The following NRP1 variants were observed in gnomAD, a reference collection of about 807,000 sequenced individuals.
NRP1 encodes neuropilin 1.
In NRP1, 35 loss-of-function variants were observed where a neutral mutation model predicts 106.7. The observed-to-expected ratio is 0.33, with a 90% CI of 0.25 to 0.43. NRP1 has a LOEUF of 0.43. Among genes scored for constraint, NRP1 ranks in the 20% least tolerant of loss-of-function variants. NRP1 has a pLI of 1.00. For synonymous variants in NRP1, 437 were observed against 417.9 expected (o/e 1.05, Z -0.56); for missense variants, 1,024 against 1,170.4 (o/e 0.87, Z 1.83).
chr10:33,331,092 A>G (rs1182133590), intron 1 of NRP1, among the ~76,000 whole-genome samples: 1 of 152,196 alleles, frequency 6.6e-6, no homozygotes, highest in East Asian at 1.9e-4. Context: ...CAGAAAGCCA[A>G]CTGAGATCTG....
At chr10:33,203,037 T>C (rs760161864) in intron 10 of NRP1, 42 bp from the exon 11 acceptor site, 1 of 1,568,490 alleles carries the variant, frequency 6.4e-7, no homozygotes, top group Admixed American at 1.8e-5. Flanking sequence ...ACCTTGGAAA[T>C]GTATTCTCAA....
intron 2 of NRP1, among the ~76,000 whole-genome samples, chr10:33,292,966 A>G (rs954177925): frequency 2.0e-5 from 3 of 149,826 alleles, no homozygotes; most frequent in African/African-American, 4.9e-5. Context: ...GGCCTGGGCA[A>G]CAGAGTGAGA....
chr10:33,205,719 A>G (rs1816834450), intron 10 of NRP1: 1 of 156,024 alleles, frequency 6.4e-6, no homozygotes, highest in Non-Finnish European at 1.4e-5. Flanking sequence ...GGTCTGGAAA[A>G]TATCTGAAGC....
chr10:33,277,037 T>G (rs1843748839), intron 2 of NRP1, among the ~76,000 whole-genome samples: 2 of 151,404 alleles, frequency 1.3e-5, no homozygotes, highest in African/African-American at 2.4e-5. Flanking sequence ...CCCAGGAGTT[T>G]GAGGCTGCAG....
chr10:33,268,723 G>A (rs1564440426), intron 3 of NRP1, among the ~76,000 whole-genome samples: 2 of 152,166 alleles, frequency 1.3e-5, no homozygotes, highest in Non-Finnish European at 2.9e-5. Flanking sequence ...AAGCAAGCAG[G>A]TGTACATATG....
At chr10:33,239,999 T>C (rs769983997) in intron 6 of NRP1, among the ~76,000 whole-genome samples, 1 of 152,222 alleles carries the variant, frequency 6.6e-6, no homozygotes, top group Non-Finnish European at 1.5e-5. Context: ...TGATCTTTTA[T>C]AAGTTGTTGG....
At chr10:33,204,523 T>C (rs138557311) in intron 10 of NRP1, among the ~76,000 whole-genome samples, 19 of 152,328 alleles carry the variant, frequency 1.2e-4, no homozygotes, top group Non-Finnish European at 1.9e-4. Context: ...CTCCAGATAA[T>C]GTGCTACCTT....
At chr10:33,281,379 CT>C (rs5784328) in intron 2 of NRP1, among the ~76,000 whole-genome samples, 128,990 of 151,970 alleles carry the variant, frequency 0.85, 55,492 homozygotes, top group East Asian at 0.97. Context: ...AGTGAACTGA[CT>C]TTTTTTTTAT....
Position 33,213,484 on chromosome 10 carries a change from G to T in NRP1, c.1516C>A (p.Arg506=). 6.2e-7 allele frequency: 1 copy of T among 1,613,958 alleles called. No homozygotes were observed. The highest frequency in any genetic ancestry group is 8.5e-7 in the Non-Finnish European group (1 of 1,179,990). Reference sequence around the variant, plus strand: ...TTCCTCATGAACACCTTGTTCTCTCGGTGCTTCCCACCCTGAATGATGATG... The same window carrying T: ...TTCCTCATGAACACCTTGTTCTCTCTGTGCTTCCCACCCTGAATGATGATG... ...RGIIIQGGKH[R]ENKVFMRKFK... Residue 506 remains arginine (R), a synonymous_variant, in exon 9 of 17, where the codon CGA becomes AGA. Transcript: ENST00000374867.
intron 2 of NRP1, among the ~76,000 whole-genome samples, chr10:33,289,069 T>C (rs1844793145): frequency 1.3e-5 from 2 of 152,160 alleles, no homozygotes; most frequent in Non-Finnish European, 2.9e-5. Context: ...ATAGCCCAGG[T>C]AGTCAAACTA....
At chr10:33,247,664 G>A (rs1694439471) in intron 6 of NRP1, among the ~76,000 whole-genome samples, 1 of 152,236 alleles carries the variant, frequency 6.6e-6, no homozygotes. Flanking sequence ...AGAGCATGCA[G>A]TGAAAAACAT....
At chr10:33,214,046 T>C (rs1838548472) in intron 8 of NRP1, among the ~76,000 whole-genome samples, 1 of 152,236 alleles carries the variant, frequency 6.6e-6, no homozygotes, top group African/African-American at 2.4e-5. Flanking sequence ...CTGGCCCTGC[T>C]TAAGAGAAGT....
intron 2 of NRP1, among the ~76,000 whole-genome samples, chr10:33,313,975 TTCTC>T (rs1163088827): frequency 1.3e-5 from 2 of 150,030 alleles, no homozygotes; most frequent in Non-Finnish European, 3.0e-5. Context: ...TCTCCCTCCT[TTCTC>T]TCTTTCCCTC....
intron 8 of NRP1, among the ~76,000 whole-genome samples, chr10:33,215,453 C>A (rs1838683465): frequency 1.3e-5 from 2 of 152,146 alleles, no homozygotes; most frequent in Admixed American, 1.3e-4. Flanking sequence ...TCTAAAGCAG[C>A]CCAAGGAGCT....
intron 6 of NRP1, among the ~76,000 whole-genome samples, chr10:33,237,065 T>C (rs1351434991): frequency 1.3e-5 from 2 of 152,224 alleles, no homozygotes; most frequent in Middle Eastern, 3.4e-3. Context: ...GCCCAGAGTG[T>C]CTGCTCACAC....
Position 33,249,084 on chromosome 10 carries a change from G to GTTTTTTTT in NRP1, c.981+4936_981+4943dup, listed in dbSNP as rs750905931. Among the ~76,000 whole-genome samples, 266 of 72,202 alleles carry GTTTTTTTT rather than the reference G, an allele frequency of 3.7e-3. 2 individuals are homozygous for GTTTTTTTT. Among genetic ancestry groups the GTTTTTTTT allele is most frequent in the Non-Finnish European group, 4.7e-3 (190 of 40,056 alleles). 47.4% of individuals were successfully genotyped at this position (72,202 alleles called of 152,430 possible). ...ATCCCACCCAGGTATTATGTCTCTTGTTTTTTTTTTTTTTTTTTTTTTTTG... is the reference window on the plus strand; with the variant it reads ...ATCCCACCCAGGTATTATGTCTCTTGTTTTTTTTTTTTTTTTTTTTTTTTTTTTTTTTG... On this transcript the variant is annotated intron_variant, in intron 6 of 16. Transcript: ENST00000374867.
At position 33,256,484 on chromosome 10, in the gene NRP1, G is replaced by A. The variant is rs971711282; in HGVS notation, c.659-13C>T. The A allele has an allele frequency of 1.2e-6, 2 of 1,610,510 alleles. No individual in the cohort carries two copies. The highest frequency in any genetic ancestry group is 1.7e-5 in the Admixed American group (1 of 59,942). ...ATGTGAGGGCCAACTGGAAAGGGAG[G>A]AATACAGACGATGTCAAAATGTCTT... On this transcript the variant is annotated splice_polypyrimidine_tract_variant and intron_variant, in intron 4 of 16. Transcript: ENST00000374867.
At chr10:33,231,902 T>A (rs531251233) in intron 6 of NRP1, among the ~76,000 whole-genome samples, 1 of 152,198 alleles carries the variant, frequency 6.6e-6, no homozygotes, top group East Asian at 1.9e-4. Context: ...AAAAAATAAA[T>A]GAATGAAATC....
intron 4 of NRP1, among the ~76,000 whole-genome samples, chr10:33,256,722 C>G (rs1258416774): frequency 3.3e-5 from 5 of 152,200 alleles, no homozygotes; most frequent in Admixed American, 2.0e-4. Context: ...TTTTCAGGAA[C>G]AGAATCAAAA....
Sources: allele counts gnomAD v4.1 joint callset (sites outside exome capture counted in the v4.1 genomes callset), GRCh38; gene constraint gnomAD v4.1.1; transcripts MANE v1.5; gene names NCBI Gene and HGNC (gene_info 2026-07-23, HGNC 2026-07-21).